CACNA2D1: variants seen among roughly 807,000 people sequenced by gnomAD.
The protein encoded by CACNA2D1 is voltage-dependent calcium channel subunit alpha-2/delta-1.
Under a neutral mutation model 171.5 loss-of-function variants are expected in CACNA2D1, and 53 were observed. The ratio of observed to expected loss-of-function variants is 0.31; its 90% confidence interval spans 0.25 to 0.39. The LOEUF (loss-of-function observed/expected upper bound fraction) is 0.39, where lower values mean the gene tolerates loss of function less well. Among genes scored for constraint, CACNA2D1 ranks in the 10% least tolerant of loss-of-function variants. The pLI is 1.00. For synonymous variants in CACNA2D1, 442 were observed against 443.1 expected, an observed-to-expected ratio of 1.00 and a Z score of 0.03; for missense variants, 903 against 1,299.8, an observed-to-expected ratio of 0.69 and a Z score of 4.69.
chr7:82,072,419 T>C (rs996347543), intron 7 of CACNA2D1, among the ~76,000 whole-genome samples: 1 of 151,980 alleles, frequency 6.6e-6, no homozygotes, highest in Non-Finnish European at 1.5e-5. Context: ...CCATGTATTT[T>C]TAGGAGAGTA....
At chr7:82,264,906 C>T (rs940319063) in intron 3 of CACNA2D1, among the ~76,000 whole-genome samples, 5 of 152,150 alleles carry the variant, frequency 3.3e-5, no homozygotes, top group African/African-American at 4.8e-5. Flanking sequence ...GATATCTCCC[C>T]ATTGTTTCCC....
At position 82,047,551 on chromosome 7, in the gene CACNA2D1, G is replaced by A. The variant is rs114231085; in HGVS notation, c.880-9316C>T. Among the ~76,000 whole-genome samples, 195 of 152,206 alleles carry A rather than the reference G, an allele frequency of 1.3e-3. 1 individual carries two copies. Among genetic ancestry groups the A allele is most frequent in the African/African-American group, 4.3e-3 (178 of 41,544 alleles). On this transcript the variant is annotated intron_variant, in intron 10 of 38. Transcript: ENST00000356860. Reference sequence around the variant, plus strand: ...ATGACTGGCCACATAAGAACACAAAGTTAACTTATCACTGATTGAAACTGT... The same window carrying A: ...ATGACTGGCCACATAAGAACACAAAATTAACTTATCACTGATTGAAACTGT...
rs553089619 is a variant in CACNA2D1 at position 82,192,754 on chromosome 7, T to A, written c.295-22145A>T. On this transcript the variant is annotated intron_variant, in intron 3 of 38. Coordinates refer to ENST00000356860, the MANE Select transcript of CACNA2D1 (RefSeq NM_000722.4). ...ATTAACCTGAGCAGCTGTTCCTTTT[T>A]TTTTTTTTCCTGAAACATCTAACTT... Among the ~76,000 whole-genome samples the A allele has an allele frequency of 4.7e-3, 714 of 151,410 alleles. 2 individuals carry two copies. Among genetic ancestry groups the A allele is most frequent in the South Asian group, 0.011 (53 of 4,800 alleles).
At chr7:82,160,610 A>T (rs1320159761) in intron 4 of CACNA2D1, among the ~76,000 whole-genome samples, 1 of 152,026 alleles carries the variant, frequency 6.6e-6, no homozygotes. Flanking sequence ...CTGGGACTAC[A>T]GGTGTGTGCC....
chr7:82,237,766 T>C (rs1298880874), intron 3 of CACNA2D1, among the ~76,000 whole-genome samples: 1 of 152,020 alleles, frequency 6.6e-6, no homozygotes, highest in African/African-American at 2.4e-5. Context: ...TATGTGTTGG[T>C]CACTATGTTA....
intron 10 of CACNA2D1, among the ~76,000 whole-genome samples, chr7:82,059,689 G>A (rs1806365648): frequency 6.6e-6 from 1 of 151,730 alleles, no homozygotes; most frequent in East Asian, 2.0e-4. Flanking sequence ...TCCTGGCATA[G>A]AATTATAAGA....
At chr7:82,338,730 T>A (rs1389697636) in intron 2 of CACNA2D1, among the ~76,000 whole-genome samples, 2 of 152,196 alleles carry the variant, frequency 1.3e-5, no homozygotes, top group Non-Finnish European at 2.9e-5. Flanking sequence ...TAATGTGGCA[T>A]ATTTAGGCAA....
chr7:82,386,033 G>T (rs1025466729), intron 1 of CACNA2D1, among the ~76,000 whole-genome samples: 1 of 152,042 alleles, frequency 6.6e-6, no homozygotes, highest in Non-Finnish European at 1.5e-5. Flanking sequence ...AAACGCATTA[G>T]AAATGACTGA....
intron 5 of CACNA2D1, among the ~76,000 whole-genome samples, chr7:82,134,512 A>C (rs1791375886): frequency 6.6e-6 from 1 of 152,188 alleles, no homozygotes; most frequent in African/African-American, 2.4e-5. Context: ...TTTGTATATA[A>C]AGCAATTGAG....
intron 4 of CACNA2D1, among the ~76,000 whole-genome samples, chr7:82,150,269 AC>A (rs368793952): frequency 0.22 from 22,372 of 103,354 alleles, 3,943 homozygotes; most frequent in African/African-American, 0.32. Flanking sequence ...AAAAAAAAAA[AC>A]AAAAACAACA....
intron 3 of CACNA2D1, among the ~76,000 whole-genome samples, chr7:82,213,103 G>A (rs1202459289): frequency 6.6e-6 from 1 of 152,026 alleles, no homozygotes; most frequent in Non-Finnish European, 1.5e-5. Flanking sequence ...GTTTCACCAT[G>A]TTGACCAGGC....
chr7:82,143,312 A>C (rs1460111616), intron 4 of CACNA2D1, among the ~76,000 whole-genome samples: 6 of 152,194 alleles, frequency 3.9e-5, no homozygotes, highest in African/African-American at 1.4e-4. Flanking sequence ...GATAATTGAT[A>C]TAAAGTGTTA....
At chr7:82,350,502 A>G in intron 1 of CACNA2D1, among the ~76,000 whole-genome samples, 1 of 152,120 alleles carries the variant, frequency 6.6e-6, no homozygotes, top group East Asian at 1.9e-4. Context: ...CGTCTCTACT[A>G]AAAATACAAA....
At position 81,946,715 on chromosome 7, in the gene CACNA2D1, CACA is replaced by C. The variant is rs1219898766; in HGVS notation, c.*3674_*3676del. On this transcript the variant is annotated 3_prime_UTR_variant, in exon 39 of 39. Transcript: ENST00000356860. Reference sequence around the variant, plus strand: ...AAAGCATGATCCGACACTCATACAACACAACAAAAAAGACAGCTTTACTAGGTC... The same window carrying C: ...AAAGCATGATCCGACACTCATACAACACAAAAAAGACAGCTTTACTAGGTC... 8 of 152,096 alleles carry C rather than the reference CACA, an allele frequency of 5.3e-5. No individual in the cohort carries two copies. Among genetic ancestry groups the C allele is most frequent in the Admixed American group, 2.6e-4 (4 of 15,258 alleles). The allele number at this position is 152,096 out of a possible 1,614,324, so 9.4% of individuals were successfully genotyped here. A position where few individuals can be genotyped will look rare whatever the true frequency, so the allele number is the denominator to read the frequency against.
chr7:81,985,935 C>T (rs2130683219), intron 21 of CACNA2D1, among the ~76,000 whole-genome samples: 1 of 152,252 alleles, frequency 6.6e-6, no homozygotes, highest in Non-Finnish European at 1.5e-5. Flanking sequence ...AAATAAAAAG[C>T]TGTTAGGCAG....
At chr7:81,987,620 C>A (rs1464358353) in intron 21 of CACNA2D1, among the ~76,000 whole-genome samples, 1 of 151,044 alleles carries the variant, frequency 6.6e-6, no homozygotes, top group Non-Finnish European at 1.5e-5. Context: ...CAAAACATAT[C>A]ATGTTTTTTC....
At chr7:81,956,400 A>C (rs576443261) in intron 38 of CACNA2D1, among the ~76,000 whole-genome samples, 3 of 151,668 alleles carry the variant, frequency 2.0e-5, no homozygotes, top group African/African-American at 7.2e-5. Context: ...TGACAGAAGT[A>C]AGCTTTTGAA....
At chr7:82,282,604 T>C (rs1023451123) in intron 3 of CACNA2D1, among the ~76,000 whole-genome samples, 4 of 151,998 alleles carry the variant, frequency 2.6e-5, no homozygotes, top group East Asian at 1.9e-4. Flanking sequence ...TCCTATTTTC[T>C]TATATTTATA....
intron 3 of CACNA2D1, among the ~76,000 whole-genome samples, chr7:82,287,849 T>G (rs1034862454): frequency 1.2e-5 from 1 of 85,926 alleles, no homozygotes; most frequent in Non-Finnish European, 2.4e-5. Flanking sequence ...CTTTTTTTTG[T>G]TTTTTTTTGA....
Sources: gnomAD v4.1 joint callset for allele counts (sites outside exome capture counted in the v4.1 genomes callset) on GRCh38, gnomAD v4.1.1 for gene constraint, MANE v1.5 for transcripts, NCBI Gene and HGNC (gene_info 2026-07-23, HGNC 2026-07-21) for gene names.